The following UBE2R2 variants were observed in gnomAD, a reference collection of about 807,000 sequenced individuals.
The protein encoded by UBE2R2 is ubiquitin conjugating enzyme E2 R2, also known as ubiquitin-conjugating enzyme E2 R2.
Under a neutral mutation model 27.8 loss-of-function variants are expected in UBE2R2, and 1 was observed. That is an observed-to-expected ratio of 0.04 (90% confidence interval 0.01 to 0.17). The LOEUF (loss-of-function observed/expected upper bound fraction) is 0.17, where lower values mean the gene tolerates loss of function less well. UBE2R2 is among the 10% of genes least tolerant of loss of function. The pLI, the probability that UBE2R2 is intolerant of heterozygous loss-of-function variation, is 1.00. For synonymous variants in UBE2R2, 106 were observed against 113.3 expected (o/e 0.94, Z 0.41); for missense variants, 100 against 291.0 (o/e 0.34, Z 4.78).
Position 33,912,016 on chromosome 9 carries a change from C to G in UBE2R2, c.415C>G (p.Pro139Ala). ...GCTTAATGAGCCCAACACCTTCTCC[C>G]CAGCCAATGTCGATGCTTCAGTTAT... is the stretch of plus-strand genomic sequence containing the variant. ...SLLNEPNTFS[P>A]ANVDASVMFR... Residue 139 changes from proline (P) to alanine (A), a missense_variant, in exon 4 of 5, where the codon CCA becomes GCA. Physicochemically the swap from Pro to Ala is conservative, Grantham distance 27. Coordinates refer to ENST00000263228, the MANE Select transcript of UBE2R2 (RefSeq NM_017811.4). 1 of 1,613,878 alleles carries G rather than the reference C, an allele frequency of 6.2e-7. No homozygotes were observed. The highest frequency in any genetic ancestry group is 8.5e-7 in the Non-Finnish European group (1 of 1,179,868).
At chr9:33,838,275 T>C (rs1045214880) in intron 1 of UBE2R2, among the ~76,000 whole-genome samples, 17 of 127,728 alleles carry the variant, frequency 1.3e-4, no homozygotes, top group Non-Finnish European at 2.2e-4. Context: ...GTTTTTTTTT[T>C]CTTGTTTTTT....
chr9:33,839,333 G>C (rs1261015888), intron 1 of UBE2R2, among the ~76,000 whole-genome samples: 7 of 152,112 alleles, frequency 4.6e-5, no homozygotes, highest in Non-Finnish European at 1.0e-4. Flanking sequence ...TGCCTCCCAG[G>C]TTCGAGCAAT....
At chr9:33,863,094 A>G (rs1431994925) in intron 1 of UBE2R2, among the ~76,000 whole-genome samples, 3 of 151,664 alleles carry the variant, frequency 2.0e-5, no homozygotes, top group Non-Finnish European at 2.9e-5. Context: ...AGGCTGAGGC[A>G]GGAGAATCCC....
intron 1 of UBE2R2, among the ~76,000 whole-genome samples, chr9:33,860,909 TCCCCA>T (rs1206070639): frequency 3.0e-5 from 1 of 33,128 alleles, no homozygotes; most frequent in Non-Finnish European, 6.4e-5. Flanking sequence ...CCCCACCCCC[TCCCCA>T]CAATCGTTAA....
At chr9:33,861,273 G>A (rs898758686) in intron 1 of UBE2R2, among the ~76,000 whole-genome samples, 8 of 148,116 alleles carry the variant, frequency 5.4e-5, no homozygotes, top group African/African-American at 1.7e-4. Flanking sequence ...CTTGTGTTAA[G>A]TTTTAAAAAG....
At position 33,917,377 on chromosome 9, in the gene UBE2R2, T is replaced by C; in HGVS notation, c.*140T>C. The C allele has an allele frequency of 7.6e-7, 1 of 1,311,858 alleles. No homozygotes were observed. The highest frequency in any genetic ancestry group is 1.0e-6 in the Non-Finnish European group (1 of 964,722). 81.3% of individuals were successfully genotyped at this position (1,311,858 alleles called of 1,614,324 possible). On this transcript the variant is annotated 3_prime_UTR_variant, in exon 5 of 5. Coordinates refer to ENST00000263228, the MANE Select transcript of UBE2R2 (RefSeq NM_017811.4). ...CACACACAGCTCCTGCTGACTCCCCTTATGGATCTCAGTTTGCTCCTTTTT... is the reference window on the plus strand; with the variant it reads ...CACACACAGCTCCTGCTGACTCCCCCTATGGATCTCAGTTTGCTCCTTTTT...
chr9:33,890,156 A>G (rs948485043), intron 2 of UBE2R2, among the ~76,000 whole-genome samples: 13 of 152,102 alleles, frequency 8.5e-5, no homozygotes, highest in African/African-American at 3.1e-4. Context: ...TACATAGGCT[A>G]TTTAGTTCTT....
intron 1 of UBE2R2, among the ~76,000 whole-genome samples, chr9:33,829,999 G>A (rs1003865631): frequency 1.3e-5 from 2 of 151,758 alleles, no homozygotes; most frequent in African/African-American, 4.8e-5. Context: ...GTTTCTCCAC[G>A]TTGGTCAAGC....
At position 33,908,809 on chromosome 9, in the gene UBE2R2, C is replaced by A. The variant is rs73492940; in HGVS notation, c.363-3155C>A. On this transcript the variant is annotated intron_variant, in intron 3 of 4. Transcript: ENST00000263228. ...TGTTGTCCAATGTGGTAGCCTCTAA[C>A]TACATGAGGCTTTTTACATTTGAAT... is the stretch of plus-strand genomic sequence containing the variant. Among the ~76,000 whole-genome samples, 329 of 152,262 alleles carry A rather than the reference C, an allele frequency of 2.2e-3. 4 individuals carry two copies. The highest frequency in any genetic ancestry group is 7.4e-3 in the African/African-American group (307 of 41,538).
At chr9:33,843,049 T>TTTC (rs1437431481) in intron 1 of UBE2R2, among the ~76,000 whole-genome samples, 1 of 125,898 alleles carries the variant, frequency 7.9e-6, no homozygotes, top group Non-Finnish European at 1.9e-5. Context: ...CCACTTTTTT[T>TTTC]TTTTTTTTTT....
At chr9:33,884,687 A>G (rs2130794350) in intron 1 of UBE2R2, among the ~76,000 whole-genome samples, 1 of 152,148 alleles carries the variant, frequency 6.6e-6, no homozygotes, top group African/African-American at 2.4e-5. Flanking sequence ...TAGTCCTTTG[A>G]AATGTTTAAA....
chr9:33,840,124 C>T (rs1225105960), intron 1 of UBE2R2, among the ~76,000 whole-genome samples: 1 of 152,126 alleles, frequency 6.6e-6, no homozygotes, highest in Non-Finnish European at 1.5e-5. Flanking sequence ...TAGCAGAAAA[C>T]GTCTCTTTCA....
At chr9:33,818,228 C>T (rs1487915402) in intron 1 of UBE2R2, among the ~76,000 whole-genome samples, 2 of 152,092 alleles carry the variant, frequency 1.3e-5, no homozygotes, top group Admixed American at 6.5e-5. Context: ...CCTTTGTTTC[C>T]CCCGCTGAGG....
At chr9:33,900,303 T>A in intron 3 of UBE2R2, 32 bp downstream of exon 3, 1 of 1,483,730 alleles carries the variant, frequency 6.7e-7, no homozygotes, top group Non-Finnish European at 9.4e-7. Flanking sequence ...GAGTTATTCT[T>A]AATCTCCTTA....
At chr9:33,839,635 C>T (rs1820689319) in intron 1 of UBE2R2, among the ~76,000 whole-genome samples, 1 of 152,096 alleles carries the variant, frequency 6.6e-6, no homozygotes, top group Non-Finnish European at 1.5e-5. Context: ...GAAGAATGGG[C>T]CCTTACTAGA....
At chr9:33,912,198 T>C in intron 4 of UBE2R2, 100 bp downstream of exon 4, 1 of 1,071,332 alleles carries the variant, frequency 9.3e-7, no homozygotes, top group Non-Finnish European at 1.3e-6. Context: ...CATTCCAGGA[T>C]AATTTTCCTC....
chr9:33,877,266 C>T (rs1821626530), intron 1 of UBE2R2, among the ~76,000 whole-genome samples: 1 of 150,932 alleles, frequency 6.6e-6, no homozygotes, highest in African/African-American at 2.4e-5. Flanking sequence ...ACTGCAAGCT[C>T]CGCCTCCCAG....
intron 2 of UBE2R2, among the ~76,000 whole-genome samples, chr9:33,897,449 C>G (rs1178636882): frequency 6.6e-6 from 1 of 151,476 alleles, no homozygotes; most frequent in Non-Finnish European, 1.5e-5. Context: ...TCCCGAGTAG[C>G]TGGGATTACA....
intron 3 of UBE2R2, among the ~76,000 whole-genome samples, chr9:33,910,077 G>A (rs137992914): frequency 9.9e-5 from 15 of 152,170 alleles, no homozygotes; most frequent in Non-Finnish European, 8.8e-5. Context: ...TTCTCCTAAT[G>A]CACATAATTT....
Sources: allele counts gnomAD v4.1 joint callset (sites outside exome capture counted in the v4.1 genomes callset), GRCh38; gene constraint gnomAD v4.1.1; transcripts MANE v1.5; gene names NCBI Gene and HGNC (gene_info 2026-07-23, HGNC 2026-07-21).